TRPM6: variants seen among roughly 807,000 people sequenced by gnomAD.
TRPM6 encodes transient receptor potential cation channel subfamily M member 6.
Under a neutral mutation model 247.6 loss-of-function variants are expected in TRPM6, and 111 were observed. That is an observed-to-expected ratio of 0.45 (90% CI 0.38 to 0.52). The LOEUF (loss-of-function observed/expected upper bound fraction) is 0.52. TRPM6 is among the 20% of genes least tolerant of loss of function. The pLI, the probability that TRPM6 is intolerant of heterozygous loss-of-function variation, is 0.00. For synonymous variants in TRPM6, 892 were observed against 853.8 expected (o/e 1.04, Z -0.78); for missense variants, 2,126 against 2,421.5 (o/e 0.88, Z 2.56).
At chr9:74,729,250 C>T (rs1309728159) in intron 37 of TRPM6, among the ~76,000 whole-genome samples, 1 of 152,166 alleles carries the variant, frequency 6.6e-6, no homozygotes, top group Non-Finnish European at 1.5e-5. Context: ...AATACCACGT[C>T]TTAAGAAAAA....
chr9:74,726,668 G>A (rs557284608), intron 38 of TRPM6, among the ~76,000 whole-genome samples: 4 of 152,160 alleles, frequency 2.6e-5, no homozygotes, highest in Non-Finnish European at 5.9e-5. Flanking sequence ...TGTAGTACTT[G>A]TGTCTTCAAG....
rs578239822 is a variant in TRPM6 at position 74,829,491 on chromosome 9, C to G, written c.670-1542G>C. 1.5e-4 allele frequency among the ~76,000 whole-genome samples: 23 copies of G among 152,258 alleles called. 1 individual carries two copies. Among genetic ancestry groups the G allele is most frequent in the Admixed American group, 1.4e-3 (21 of 15,288 alleles). On this transcript the variant is annotated intron_variant, in intron 6 of 38. Coordinates refer to ENST00000360774, the MANE Select transcript of TRPM6 (RefSeq NM_017662.5). ...AGTCAAGGCTCTTCTACTTACTAAC[C>G]TTAACTCTGAGTAATTCTTGCTTTC...
intron 15 of TRPM6, among the ~76,000 whole-genome samples, chr9:74,802,975 A>T (rs547382392): frequency 6.6e-6 from 1 of 152,140 alleles, no homozygotes; most frequent in East Asian, 1.9e-4. Flanking sequence ...CTCCCCACCC[A>T]CCTTCCAAGT....
intron 7 of TRPM6, among the ~76,000 whole-genome samples, chr9:74,824,368 A>C (rs1587546529): frequency 6.6e-6 from 1 of 151,622 alleles, no homozygotes; most frequent in Non-Finnish European, 1.5e-5. Flanking sequence ...GCCAGGCTGG[A>C]CTTGAACTCC....
chr9:74,798,092 G>C (rs137950483), intron 17 of TRPM6, among the ~76,000 whole-genome samples: 31 of 152,194 alleles, frequency 2.0e-4, no homozygotes, highest in Non-Finnish European at 4.1e-4. Flanking sequence ...CCAAGGTAAA[G>C]AGTTTAAAAG....
At chr9:74,828,287 C>T (rs1829418167) in intron 6 of TRPM6, among the ~76,000 whole-genome samples, 1 of 151,992 alleles carries the variant, frequency 6.6e-6, no homozygotes, top group African/African-American at 2.4e-5. Flanking sequence ...ACCCGGCAGG[C>T]AGAAGTTGCA....
chr9:74,875,762 T>C (rs562389332), intron 1 of TRPM6, among the ~76,000 whole-genome samples: 9 of 152,330 alleles, frequency 5.9e-5, no homozygotes, highest in African/African-American at 2.2e-4. Context: ...GTTGTTTCTC[T>C]GGGCCAGATA....
At chr9:74,816,166 AAT>A (rs1409943701) in intron 11 of TRPM6, among the ~76,000 whole-genome samples, 1 of 152,230 alleles carries the variant, frequency 6.6e-6, no homozygotes, top group Non-Finnish European at 1.5e-5. Flanking sequence ...CAGCCTGGGC[AAT>A]ATAACAAGTC....
chr9:74,732,786 T>C (rs369484371), intron 36 of TRPM6, 50 bp from the exon 37 acceptor site: 5 of 1,343,598 alleles, frequency 3.7e-6, no homozygotes, highest in African/African-American at 1.4e-5. Flanking sequence ...TTCATTTTCT[T>C]AGAAATTCAA....
chr9:74,781,752 G>C (rs542960809), intron 23 of TRPM6, among the ~76,000 whole-genome samples: 8 of 151,952 alleles, frequency 5.3e-5, no homozygotes, highest in Non-Finnish European at 1.2e-4. Flanking sequence ...TTCATAATTC[G>C]AACTTACTGC....
Position 74,771,104 on chromosome 9 carries a change from G to A in TRPM6, c.3536+599C>T, listed in dbSNP as rs376743156. Among the ~76,000 whole-genome samples, 130 of 152,204 alleles carry A rather than the reference G, an allele frequency of 8.5e-4. 4 individuals carry two copies. The South Asian group carries it at 9.3e-3, about 11-fold the overall frequency. ...TGCCAGACACACCATGTGGCCTCAG[G>A]CGGCTGCGCTTGCTGTTCCTTCCGC... On this transcript the variant is annotated intron_variant, in intron 25 of 38. Transcript: ENST00000360774.
intron 33 of TRPM6, among the ~76,000 whole-genome samples, chr9:74,740,215 G>T (rs1231123772): frequency 2.6e-5 from 4 of 152,194 alleles, no homozygotes; most frequent in African/African-American, 9.7e-5. Context: ...TGGGGAAGGG[G>T]AGAAGGGACA....
chr9:74,839,984 T>C, intron 5 of TRPM6, 40 bp downstream of exon 5: 1 of 1,429,488 alleles, frequency 7.0e-7, no homozygotes, highest in East Asian at 2.4e-5. Context: ...AGAGGGAGGG[T>C]GAAAGAGAGG....
intron 8 of TRPM6, among the ~76,000 whole-genome samples, chr9:74,821,277 C>T (rs1272979435): frequency 6.6e-6 from 1 of 152,100 alleles, no homozygotes; most frequent in East Asian, 1.9e-4. Flanking sequence ...TAGACCTTCC[C>T]AATTTCTGCT....
chr9:74,856,947 C>T (rs2118351996), intron 2 of TRPM6, among the ~76,000 whole-genome samples: 1 of 152,266 alleles, frequency 6.6e-6, no homozygotes, highest in Admixed American at 6.5e-5. Flanking sequence ...GTACATCATG[C>T]CTTGGAACAT....
At chr9:74,768,247 A>G (rs564057802) in intron 25 of TRPM6, among the ~76,000 whole-genome samples, 3 of 152,192 alleles carry the variant, frequency 2.0e-5, no homozygotes, top group South Asian at 2.1e-4. Flanking sequence ...CTCTTTGCCC[A>G]TTACAGGTGT....
rs1195999900 is a variant in TRPM6 at position 74,808,025 on chromosome 9, T to A, written c.1638+9A>T. The A allele has an allele frequency of 2.5e-6, 4 of 1,613,828 alleles. No homozygotes were observed. The highest frequency in any genetic ancestry group is 3.4e-6 in the Non-Finnish European group (4 of 1,179,828). On this transcript the variant is annotated intron_variant, in intron 14 of 38. Coordinates refer to ENST00000360774, the MANE Select transcript of TRPM6 (RefSeq NM_017662.5). ...TCAATTTTACTTGGGCACTTTTCAA[T>A]TACTCTACCTTGTATTTTCTGTAGA...
intron 36 of TRPM6, among the ~76,000 whole-genome samples, chr9:74,737,933 G>T (rs1265477829): frequency 6.6e-6 from 1 of 152,186 alleles, no homozygotes; most frequent in African/African-American, 2.4e-5. Context: ...ATAAGAGTGT[G>T]CTGTGTTGCC....
intron 27 of TRPM6, among the ~76,000 whole-genome samples, chr9:74,759,818 T>C (rs552157514): frequency 6.6e-6 from 1 of 152,026 alleles, no homozygotes; most frequent in Non-Finnish European, 1.5e-5. Context: ...TTACGAAAAT[T>C]AAAAGGCAAA....
Sources: gnomAD v4.1 joint callset for allele counts (sites outside exome capture counted in the v4.1 genomes callset) on GRCh38, gnomAD v4.1.1 for gene constraint, MANE v1.5 for transcripts, NCBI Gene and HGNC (gene_info 2026-07-23, HGNC 2026-07-21) for gene names.